CLK4: variants seen among roughly 807,000 people sequenced by gnomAD.
CLK4 encodes the protein dual specificity protein kinase CLK4.
CLK4 carries 37 observed loss-of-function variants against 64.4 expected under a neutral mutation model. The observed-to-expected ratio is 0.57, with a 90% CI of 0.44 to 0.76. CLK4 has a LOEUF of 0.76. Among genes scored for constraint, CLK4 ranks in the 30% least tolerant of loss-of-function variants. The probability of loss-of-function intolerance (pLI) is 0.00; values close to 1 mark genes in which losing one functional copy is unlikely to be tolerated. For missense variants in CLK4, 457 were observed against 605.1 expected (o/e 0.76, Z 2.57); for synonymous variants, 175 against 191.6 (o/e 0.91, Z 0.72).
chr5:178,603,816 AT>A (rs1764420424), intron 12 of CLK4, 27 bp downstream of exon 12: 1 of 1,589,346 alleles, frequency 6.3e-7, no homozygotes, highest in African/African-American at 1.4e-5. Context: ...CACGTGGTTT[AT>A]TTAACCTTTA....
intron 1 of CLK4, among the ~76,000 whole-genome samples, chr5:178,625,118 T>TA (rs1764760924): frequency 1.3e-5 from 2 of 152,168 alleles, no homozygotes; most frequent in Admixed American, 1.3e-4. Flanking sequence ...GTGACATGAA[T>TA]AACAGCACAC....
intron 10 of CLK4, among the ~76,000 whole-genome samples, chr5:178,607,917 C>G (rs1277251431): frequency 1.3e-5 from 2 of 152,166 alleles, no homozygotes; most frequent in Admixed American, 6.5e-5. Context: ...TGTCTCTTCA[C>G]CTTTATGTAC....
chr5:178,626,909 A>G (rs1764790763), intron 1 of CLK4, 37 bp downstream of exon 1: 2 of 152,838 alleles, frequency 1.3e-5, no homozygotes, highest in Admixed American at 6.5e-5. Context: ...AAAGACCGAC[A>G]GCCGCCTGTC....
intron 9 of CLK4, among the ~76,000 whole-genome samples, chr5:178,610,676 G>A (rs1185560580): frequency 6.6e-6 from 1 of 152,038 alleles, no homozygotes; most frequent in Non-Finnish European, 1.5e-5. Flanking sequence ...CAGCACTTTG[G>A]GAGGCCAAGG....
At chr5:178,607,063 CTTTTTA>C (rs992630497) in intron 10 of CLK4, among the ~76,000 whole-genome samples, 3 of 150,530 alleles carry the variant, frequency 2.0e-5, no homozygotes, top group African/African-American at 7.3e-5. Flanking sequence ...CAATTAAGGA[CTTTTTA>C]TTTTTAAAAG....
At chr5:178,604,141 T>C (rs566457555) in intron 11 of CLK4, 2 of 372,706 alleles carry the variant, frequency 5.4e-6, no homozygotes, top group African/African-American at 4.2e-5. Context: ...GTCTCTCAAC[T>C]AAGTTGTTCC....
At chr5:178,610,392 A>T (rs183588176) in intron 9 of CLK4, among the ~76,000 whole-genome samples, 1 of 152,066 alleles carries the variant, frequency 6.6e-6, no homozygotes, top group East Asian at 1.9e-4. Context: ...AAATCATCTC[A>T]TTCTTGGATG....
At chr5:178,610,441 T>A (rs1429714983) in intron 9 of CLK4, among the ~76,000 whole-genome samples, 2 of 152,158 alleles carry the variant, frequency 1.3e-5, no homozygotes. Context: ...AACTGCCTAC[T>A]TCAACTCTAG....
chr5:178,622,952 C>A (rs571096866), intron 2 of CLK4: 2 of 290,548 alleles, frequency 6.9e-6, no homozygotes, highest in African/African-American at 4.5e-5. Flanking sequence ...TTTTGTGTGT[C>A]ATCTCCCTAA....
intron 9 of CLK4, among the ~76,000 whole-genome samples, chr5:178,610,636 G>C (rs1012049143): frequency 6.6e-6 from 1 of 151,854 alleles, no homozygotes; most frequent in Non-Finnish European, 1.5e-5. Flanking sequence ...ACCATATTCT[G>C]GTGGGTGCGG....
rs776145481 is a variant in CLK4 at position 178,618,712 on chromosome 5, G to A, written c.228C>T (p.Tyr76=). 3 of 1,613,872 alleles carry A rather than the reference G, an allele frequency of 1.9e-6. No individual in the cohort carries two copies. The South Asian group carries it at 3.3e-5, about 18-fold the overall frequency. ...CATATCCTTCACAGTAGTCATTCCTGTATTCGTCAACGTATCTCCGGTCCC... is the reference window on the plus strand; with the variant it reads ...CATATCCTTCACAGTAGTCATTCCTATATTCGTCAACGTATCTCCGGTCCC... ...DYRDRRYVDE[Y]RNDYCEGYVP... Residue 76 remains tyrosine, a synonymous_variant, in exon 3 of 13, where the codon TAC becomes TAT. Transcript: ENST00000316308.
chr5:178,624,025 G>A (rs1435637412), intron 1 of CLK4, among the ~76,000 whole-genome samples: 2 of 152,176 alleles, frequency 1.3e-5, no homozygotes, highest in Non-Finnish European at 1.5e-5. Flanking sequence ...AATATGGGAG[G>A]TGACTTTGTT....
Position 178,603,576 on chromosome 5 carries a change from C to G in CLK4, c.*41G>C. On this transcript the variant is annotated 3_prime_UTR_variant, in exon 13 of 13. Transcript: ENST00000316308. ...GTTGACTGACACAGTCTTAAGTAAT[C>G]TCTTCTAGAGAAGTATATAGTAAGA... The G allele has an allele frequency of 1.4e-6, 2 of 1,407,364 alleles. No homozygotes were observed. Among genetic ancestry groups the G allele is most frequent in the Non-Finnish European group, 1.9e-6 (2 of 1,051,768 alleles). 87.2% of individuals were successfully genotyped at this position (1,407,364 alleles called of 1,614,324 possible).
rs1764731823 is a variant in CLK4, at chr5:178,623,176, A to G, written c.161+80T>C. 8 of 1,287,578 alleles carry G rather than the reference A, an allele frequency of 6.2e-6. No individual in the cohort carries two copies. The South Asian group carries it at 1.0e-4, about 17-fold the overall frequency. The allele number at this position is 1,287,578 out of a possible 1,614,324, so 79.8% of individuals were successfully genotyped here. On this transcript the variant is annotated intron_variant, in intron 2 of 12. Coordinates refer to ENST00000316308, the MANE Select transcript of CLK4 (RefSeq NM_020666.3). The stretch of plus-strand genomic sequence containing the variant: ...TGACTGAATTATAAAACAATTTGAC[A>G]GATGAAAGCTATATAAGCAAATGAC...
At chr5:178,626,140 G>C (rs1485256106) in intron 1 of CLK4, among the ~76,000 whole-genome samples, 1 of 152,204 alleles carries the variant, frequency 6.6e-6, no homozygotes, top group Non-Finnish European at 1.5e-5. Context: ...ATGGCTCCAA[G>C]AGGACTGCAT....
intron 3 of CLK4, 73 bp downstream of exon 3, chr5:178,618,483 T>G (rs1429771694): frequency 1.5e-6 from 1 of 655,952 alleles, no homozygotes; most frequent in Non-Finnish European, 2.4e-6. Context: ...TATAAAAAAT[T>G]AGAAACTTAT....
rs1764737969 is a variant in CLK4, at chr5:178,623,487, A to G, written c.1-71T>C. 13 of 1,247,064 alleles carry G rather than the reference A, an allele frequency of 1.0e-5. No individual in the cohort carries two copies. In the South Asian group the frequency reaches 3.1e-4, roughly 30 times the overall value. The allele number at this position is 1,247,064 out of a possible 1,614,324, so 77.2% of individuals were successfully genotyped here. ...GATAGGTAAATTATTATATATTAAT[A>G]TTATTTAAGTTATCAAAACCCAACA... On this transcript the variant is annotated intron_variant, in intron 1 of 12. Coordinates refer to ENST00000316308, the MANE Select transcript of CLK4 (RefSeq NM_020666.3).
intron 1 of CLK4, among the ~76,000 whole-genome samples, chr5:178,625,497 A>C (rs1048780233): frequency 6.6e-6 from 1 of 152,052 alleles, no homozygotes; most frequent in Admixed American, 6.6e-5. Flanking sequence ...TCAAATACCA[A>C]AGTTGTATTT....
At chr5:178,614,475 A>G (rs1307562221) in intron 5 of CLK4, among the ~76,000 whole-genome samples, 1 of 152,236 alleles carries the variant, frequency 6.6e-6, no homozygotes, top group African/African-American at 2.4e-5. Flanking sequence ...AGTGGGCTTT[A>G]GACTGCGGCA....
Sources: allele counts gnomAD v4.1 joint callset (sites outside exome capture counted in the v4.1 genomes callset), GRCh38; gene constraint gnomAD v4.1.1; transcripts MANE v1.5; gene names NCBI Gene and HGNC (gene_info 2026-07-23, HGNC 2026-07-21).